The following TRPM3 variants were observed in gnomAD, a reference collection of about 807,000 sequenced individuals.
TRPM3 encodes transient receptor potential cation channel subfamily M member 3, also known as long transient receptor potential channel 3.
In TRPM3, 77 loss-of-function variants were observed where a neutral mutation model predicts 181.2. That is an observed-to-expected ratio of 0.42 (90% CI 0.35 to 0.51). The LOEUF (loss-of-function observed/expected upper bound fraction) is 0.51. Among genes scored for constraint, TRPM3 ranks in the 20% least tolerant of loss-of-function variants. TRPM3 has a pLI of 0.01. For synonymous variants in TRPM3, 745 were observed against 796.4 expected (o/e 0.94, Z 1.09); for missense variants, 1,759 against 2,196.7 (o/e 0.80, Z 3.98).
chr9:70,684,477 T>C (rs1408811752), intron 8 of TRPM3, among the ~76,000 whole-genome samples: 2 of 152,146 alleles, frequency 1.3e-5, no homozygotes, highest in African/African-American at 4.8e-5. Context: ...GAAAGTTACA[T>C]TATAATCTTG....
chr9:71,164,912 T>A (rs1246597928), intron 1 of TRPM3, among the ~76,000 whole-genome samples: 1 of 152,228 alleles, frequency 6.6e-6, no homozygotes, highest in Non-Finnish European at 1.5e-5. Context: ...ATCCATAAGA[T>A]TTTATACTCA....
intron 7 of TRPM3, among the ~76,000 whole-genome samples, chr9:70,767,738 G>A (rs2079425207): frequency 6.6e-6 from 1 of 152,114 alleles, no homozygotes; most frequent in African/African-American, 2.4e-5. Flanking sequence ...ACCTGGCCTG[G>A]TCTGGCTAAA....
intron 1 of TRPM3, among the ~76,000 whole-genome samples, chr9:71,393,031 G>A (rs551752927): frequency 2.0e-5 from 3 of 152,122 alleles, no homozygotes; most frequent in African/African-American, 4.8e-5. Context: ...TGTAAGAAAC[G>A]ATTTGTTTTC....
At chr9:70,922,667 C>T (rs969083809) in intron 1 of TRPM3, among the ~76,000 whole-genome samples, 1 of 152,256 alleles carries the variant, frequency 6.6e-6, no homozygotes, top group African/African-American at 2.4e-5. Context: ...TTTGACTTGG[C>T]TTGTGGCTAA....
intron 3 of TRPM3, among the ~76,000 whole-genome samples, chr9:70,855,634 C>T (rs977590841): frequency 1.2e-4 from 19 of 152,304 alleles, no homozygotes; most frequent in African/African-American, 4.6e-4. Context: ...TGCCTTTCTT[C>T]CAAGCCTCTA....
At chr9:70,981,295 C>T (rs570751689) in intron 1 of TRPM3, among the ~76,000 whole-genome samples, 11 of 152,228 alleles carry the variant, frequency 7.2e-5, no homozygotes, top group Non-Finnish European at 1.0e-4. Flanking sequence ...ATCATTAGTG[C>T]GATCCCTTTG....
chr9:70,627,544 A>G (rs1368663448), intron 12 of TRPM3, among the ~76,000 whole-genome samples: 1 of 152,032 alleles, frequency 6.6e-6, no homozygotes, highest in Non-Finnish European at 1.5e-5. Flanking sequence ...AAGTGCTGGG[A>G]TTACAGGTGT....
At chr9:70,875,398 A>C (rs1431977526) in intron 1 of TRPM3, among the ~76,000 whole-genome samples, 1 of 151,948 alleles carries the variant, frequency 6.6e-6, no homozygotes, top group Non-Finnish European at 1.5e-5. Flanking sequence ...ATAAGTAAAC[A>C]AACAAAAATG....
chr9:71,379,205 A>G (rs1019391281), intron 1 of TRPM3, among the ~76,000 whole-genome samples: 8 of 133,260 alleles, frequency 6.0e-5, no homozygotes, highest in African/African-American at 2.2e-4. Flanking sequence ...CGCTTAATCT[A>G]TCTTTATGAT....
At chr9:71,101,936 G>A (rs567444709) in intron 1 of TRPM3, among the ~76,000 whole-genome samples, 1 of 152,280 alleles carries the variant, frequency 6.6e-6, no homozygotes, top group South Asian at 2.1e-4. Context: ...CCATTCAGAA[G>A]AAGCAATTAA....
chr9:71,214,761 A>G (rs1038037584), intron 1 of TRPM3, among the ~76,000 whole-genome samples: 1 of 152,114 alleles, frequency 6.6e-6, no homozygotes, highest in African/African-American at 2.4e-5. Context: ...ATATTCCTGA[A>G]TATTCCATGT....
At chr9:71,290,852 T>A (rs1368350914) in intron 1 of TRPM3, among the ~76,000 whole-genome samples, 1 of 151,732 alleles carries the variant, frequency 6.6e-6, no homozygotes, top group Non-Finnish European at 1.5e-5. Context: ...ATGACATAAG[T>A]GTATAAAATC....
chr9:70,544,655 C>T (rs114966056), intron 25 of TRPM3, among the ~76,000 whole-genome samples: 2,004 of 151,534 alleles, frequency 0.013, 39 homozygotes, highest in African/African-American at 0.046. Flanking sequence ...ATCAAACAAA[C>T]GATGGCCTAA....
intron 1 of TRPM3, among the ~76,000 whole-genome samples, chr9:71,080,444 A>G (rs1427147433): frequency 6.6e-6 from 1 of 152,176 alleles, no homozygotes; most frequent in East Asian, 1.9e-4. Context: ...CAAACTAAGA[A>G]GGGAAGCCTT....
In TRPM3 at chr9:71,434,956, A is replaced by C. The variant is rs116694223; in HGVS notation, c.183+11697T>G. ...TAATTATAATGCAAACTTTCAACTT[A>C]AGTGTTGTTCTCATTCATTGAGAAG... On this transcript the variant is annotated intron_variant, in intron 1 of 24. Transcript: ENST00000357533. Among the ~76,000 whole-genome samples the C allele has an allele frequency of 5.0e-3, 768 of 152,298 alleles. 6 individuals carry two copies. Among genetic ancestry groups the C allele is most frequent in the African/African-American group, 0.015 (644 of 41,572 alleles).
intron 1 of TRPM3, among the ~76,000 whole-genome samples, chr9:71,346,175 A>G (rs1275412202): frequency 6.6e-6 from 1 of 152,228 alleles, no homozygotes. Context: ...TATTCATACA[A>G]TGGAATGCCA....
chr9:71,244,342 G>T (rs1463100638), intron 1 of TRPM3, among the ~76,000 whole-genome samples: 4 of 152,128 alleles, frequency 2.6e-5, no homozygotes, highest in African/African-American at 9.7e-5. Context: ...TCCACACTCT[G>T]AGCCTCAATA....
intron 1 of TRPM3, among the ~76,000 whole-genome samples, chr9:71,197,881 TC>T (rs1341304524): frequency 6.7e-6 from 1 of 148,678 alleles, no homozygotes; most frequent in Non-Finnish European, 1.5e-5. Flanking sequence ...TTTAATTAGA[TC>T]CCATTTGTCA....
intron 1 of TRPM3, among the ~76,000 whole-genome samples, chr9:71,179,779 A>T (rs773803561): frequency 4.6e-5 from 7 of 152,102 alleles, no homozygotes; most frequent in Non-Finnish European, 8.8e-5. Context: ...CCATTCGGGG[A>T]ATATTTTTCC....
Sources: gnomAD v4.1 joint callset for allele counts (sites outside exome capture counted in the v4.1 genomes callset) on GRCh38, gnomAD v4.1.1 for gene constraint, MANE v1.5 for transcripts, NCBI Gene and HGNC (gene_info 2026-07-23, HGNC 2026-07-21) for gene names.